Variants in ATG7 observed in about 807,000 individuals in gnomAD.
ATG7 encodes autophagy related 7, also known as ubiquitin-like modifier-activating enzyme ATG7.
A neutral mutation model predicts 82.4 loss-of-function variants in ATG7; 70 were observed. The ratio of observed to expected loss-of-function variants is 0.85; its 90% CI spans 0.70 to 1.04. ATG7 has a LOEUF of 1.04. Ranked by LOEUF, ATG7 falls within the 50% of genes least tolerant of loss-of-function variation. The probability of loss-of-function intolerance (pLI) is 0.00; values close to 1 mark genes in which losing one functional copy is unlikely to be tolerated. For synonymous variants in ATG7, 287 were observed against 313.0 expected (o/e 0.92, Z 0.88); for missense variants, 792 against 864.3 (o/e 0.92, Z 1.05).
chr3:11,323,465 T>C (rs1950471834), intron 9 of ATG7, among the ~76,000 whole-genome samples: 1 of 152,198 alleles, frequency 6.6e-6, no homozygotes, highest in African/African-American at 2.4e-5. Context: ...TAAGTTCTTC[T>C]CTCAATGAAA....
chr3:11,538,575 G>C (rs559734905), intron 20 of ATG7, among the ~76,000 whole-genome samples: 1 of 151,424 alleles, frequency 6.6e-6, no homozygotes, highest in Non-Finnish European at 1.5e-5. Context: ...AGCCTCAGGG[G>C]CTCACACCTG....
intron 9 of ATG7, among the ~76,000 whole-genome samples, chr3:11,326,545 G>A (rs1352501456): frequency 7.9e-5 from 12 of 152,274 alleles, no homozygotes; most frequent in Admixed American, 4.6e-4. Flanking sequence ...TGATCCACCC[G>A]CCTCTGCCTT....
chr3:11,436,903 G>A (rs906559449), intron 20 of ATG7, among the ~76,000 whole-genome samples: 5 of 152,174 alleles, frequency 3.3e-5, no homozygotes, highest in Non-Finnish European at 5.9e-5. Context: ...GTCAGCAGGT[G>A]GGGATGGGGG....
intron 19 of ATG7, among the ~76,000 whole-genome samples, chr3:11,413,732 A>G (rs760888087): frequency 2.0e-4 from 30 of 152,194 alleles, no homozygotes; most frequent in Non-Finnish European, 3.2e-4. Flanking sequence ...GTGTCAGGCT[A>G]CTGCTGGCCT....
chr3:11,347,801 C>CT (rs1162370170), intron 13 of ATG7, 76 bp from the exon 14 acceptor site: 1 of 1,459,222 alleles, frequency 6.9e-7, no homozygotes, highest in African/African-American at 1.4e-5. Context: ...AACCAATATT[C>CT]TTTTTGAGAT....
At chr3:11,549,170 C>T (rs900161764) in intron 20 of ATG7, among the ~76,000 whole-genome samples, 3 of 152,064 alleles carry the variant, frequency 2.0e-5, no homozygotes, top group Admixed American at 1.3e-4. Context: ...CTTCCTGTCA[C>T]CACAGATGGG....
the ATG7 span, chr3:11,564,866 G>C: frequency 1.9e-6 from 3 of 1,609,286 alleles, no homozygotes; most frequent in Admixed American, 3.4e-5. Context: ...GGCTGTTCTT[G>C]GTCAGTGCGA....
At chr3:11,435,271 G>T (rs1471124448) in intron 20 of ATG7, among the ~76,000 whole-genome samples, 1 of 152,052 alleles carries the variant, frequency 6.6e-6, no homozygotes, top group Non-Finnish European at 1.5e-5. Flanking sequence ...CTTATACTTT[G>T]TATTGATGTG....
chr3:11,458,456 G>A (rs2152994807), intron 20 of ATG7, among the ~76,000 whole-genome samples: 1 of 152,120 alleles, frequency 6.6e-6, no homozygotes, highest in Non-Finnish European at 1.5e-5. Flanking sequence ...GTAGAGACTG[G>A]GTTTCACCGT....
intron 20 of ATG7, among the ~76,000 whole-genome samples, chr3:11,474,455 C>G (rs1045783996): frequency 1.3e-5 from 2 of 152,096 alleles, no homozygotes; most frequent in Admixed American, 1.3e-4. Flanking sequence ...CAAAAATTAG[C>G]TGGGCATGGT....
intron 1 of ATG7, among the ~76,000 whole-genome samples, chr3:11,278,545 G>T (rs1327850255): frequency 6.6e-6 from 1 of 152,210 alleles, no homozygotes; most frequent in Non-Finnish European, 1.5e-5. Flanking sequence ...TCATCAACAA[G>T]TATTTATTGG....
chr3:11,558,740 G>A (rs759096080), downstream of ATG7: 1 of 1,614,228 alleles, frequency 6.2e-7, no homozygotes. Context: ...GATGGACACG[G>A]AGTTGGGTGC....
At chr3:11,336,268 G>C (rs7625309) in intron 11 of ATG7, among the ~76,000 whole-genome samples, 7,980 of 151,258 alleles carry the variant, frequency 0.053, 719 homozygotes, top group African/African-American at 0.18. Flanking sequence ...TCCTGAGCTC[G>C]GGCAATCTGC....
intron 20 of ATG7, among the ~76,000 whole-genome samples, chr3:11,462,652 T>C (rs923071672): frequency 2.6e-5 from 4 of 152,072 alleles, no homozygotes; most frequent in Non-Finnish European, 5.9e-5. Context: ...GAGGTGTGGC[T>C]CTGAATTGGT....
intron 20 of ATG7, among the ~76,000 whole-genome samples, chr3:11,451,908 CACACACACACATAT>C (rs1559653188): frequency 1.2e-4 from 18 of 151,424 alleles, no homozygotes; most frequent in Non-Finnish European, 2.6e-4. Context: ...CACAGACACA[CACACACACACATAT>C]ACATATCTCT....
rs545888681 is a variant in ATG7 at position 11,297,209 on chromosome 3, T to A, written c.-10-1477T>A. ...GGTTTCTACTGAAAATACAGAAAAA[T>A]TAGCCAGTCACGGTAGCCCATGCCT... On this transcript the variant is annotated intron_variant, in intron 3 of 20. Coordinates refer to ENST00000693202, the MANE Select transcript of ATG7 (RefSeq NM_001349232.2). Among the ~76,000 whole-genome samples the A allele has an allele frequency of 8.2e-4, 125 of 151,950 alleles. 1 individual carries two copies. Among genetic ancestry groups the A allele is most frequent in the African/African-American group, 3.0e-3 (123 of 41,446 alleles).
At chr3:11,398,354 G>A (rs2079508005) in intron 19 of ATG7, among the ~76,000 whole-genome samples, 1 of 152,088 alleles carries the variant, frequency 6.6e-6, no homozygotes, top group Non-Finnish European at 1.5e-5. Context: ...ACGAATTTCA[G>A]AGTGAAATTG....
intron 20 of ATG7, chr3:11,510,255 C>T (rs986965675): frequency 1.5e-5 from 7 of 456,544 alleles, no homozygotes; most frequent in East Asian, 6.9e-5. Context: ...ACTCAGGAGT[C>T]GGCTGCCTGT....
chr3:11,451,835 CTA>C (rs1559652613), intron 20 of ATG7, among the ~76,000 whole-genome samples: 24 of 144,374 alleles, frequency 1.7e-4, no homozygotes, highest in Admixed American at 7.5e-4. Context: ...CTGTCTCTCT[CTA>C]TCTCTCTCTC....
Sources: gnomAD v4.1 joint callset for allele counts (sites outside exome capture counted in the v4.1 genomes callset) on GRCh38, gnomAD v4.1.1 for gene constraint, MANE v1.5 for transcripts, NCBI Gene and HGNC (gene_info 2026-07-23, HGNC 2026-07-21) for gene names.